The following CMIP variants were observed in gnomAD, a reference collection of about 807,000 sequenced individuals.
The protein encoded by CMIP is C-Maf-inducing protein.
A neutral mutation model predicts 97.3 loss-of-function variants in CMIP; 13 were observed. That is an observed-to-expected ratio of 0.13 (90% confidence interval 0.09 to 0.21). CMIP has a LOEUF of 0.21. CMIP is among the 10% of genes least tolerant of loss of function. CMIP has a pLI of 1.00. For missense variants in CMIP, 847 were observed against 1,024.9 expected (o/e 0.83, Z 2.37); for synonymous variants, 538 against 436.3 (o/e 1.23, Z -2.91).
chr16:81,671,424 T>G (rs2092682203), intron 8 of CMIP, among the ~76,000 whole-genome samples: 1 of 152,202 alleles, frequency 6.6e-6, no homozygotes, highest in African/African-American at 2.4e-5. Context: ...TATTGAGGAC[T>G]TAGTAACTAT....
intron 1 of CMIP, among the ~76,000 whole-genome samples, chr16:81,579,624 C>T (rs1210235931): frequency 2.3e-5 from 3 of 128,840 alleles, no homozygotes; most frequent in Non-Finnish European, 4.7e-5. Context: ...AGCCCTGCTC[C>T]CCCCTGAAGG....
chr16:81,613,033 C>T (rs1267006665), intron 2 of CMIP, among the ~76,000 whole-genome samples: 2 of 152,182 alleles, frequency 1.3e-5, no homozygotes, highest in Non-Finnish European at 2.9e-5. Flanking sequence ...CTTGGAAGCC[C>T]CTTAGAGATG....
intron 6 of CMIP, among the ~76,000 whole-genome samples, chr16:81,663,376 A>T (rs951868996): frequency 1.3e-5 from 2 of 152,214 alleles, no homozygotes; most frequent in Non-Finnish European, 2.9e-5. Context: ...AGAGGAGCCC[A>T]TCTGAAAAGG....
At chr16:81,662,119 C>A (rs1014767484) in intron 6 of CMIP, among the ~76,000 whole-genome samples, 7 of 151,946 alleles carry the variant, frequency 4.6e-5, no homozygotes, top group African/African-American at 1.7e-4. Context: ...AATTAAATAA[C>A]CCAGTATCCT....
chr16:81,555,046 C>T (rs1226607545), intron 1 of CMIP, among the ~76,000 whole-genome samples: 1 of 152,146 alleles, frequency 6.6e-6, no homozygotes, highest in Non-Finnish European at 1.5e-5. Flanking sequence ...CACCTTGGTG[C>T]CTCCTCTGTG....
intron 1 of CMIP, among the ~76,000 whole-genome samples, chr16:81,494,631 G>A (rs776526215): frequency 3.3e-5 from 5 of 152,086 alleles, no homozygotes; most frequent in Admixed American, 6.5e-5. Flanking sequence ...CCCCGGGGCC[G>A]CCCCCCGATG....
Position 81,598,968 on chromosome 16 carries a change from C to CAAA in CMIP, c.301-8579_301-8577dup, listed in dbSNP as rs141717317. Among the ~76,000 whole-genome samples, 93 of 49,636 alleles carry CAAA rather than the reference C, an allele frequency of 1.9e-3. 6 individuals carry two copies. Among genetic ancestry groups the CAAA allele is most frequent in the African/African-American group, 4.2e-3 (53 of 12,480 alleles). 32.6% of individuals were successfully genotyped at this position (49,636 alleles called of 152,430 possible). On this transcript the variant is annotated intron_variant, in intron 1 of 20. Transcript: ENST00000537098. The stretch of plus-strand genomic sequence containing the variant: ...TGAGTGACAGAGCAAGACTCTGTCT[C>CAAA]AAAAAAAAAAAAAAAAAAAAAAGAG...
chr16:81,558,462 A>G (rs527966839), intron 1 of CMIP, among the ~76,000 whole-genome samples: 1 of 152,318 alleles, frequency 6.6e-6, no homozygotes, highest in South Asian at 2.1e-4. Flanking sequence ...ATTATTTTCC[A>G]TAGTGGCTGC....
chr16:81,648,204 C>G (rs997202758), intron 3 of CMIP, among the ~76,000 whole-genome samples: 1 of 151,840 alleles, frequency 6.6e-6, no homozygotes, highest in Non-Finnish European at 1.5e-5. Flanking sequence ...GTGGCCCTCA[C>G]TGATGTGATG....
intron 1 of CMIP, among the ~76,000 whole-genome samples, chr16:81,583,702 T>G (rs2150908309): frequency 6.6e-6 from 1 of 152,242 alleles, no homozygotes; most frequent in Non-Finnish European, 1.5e-5. Context: ...TGTCTGTCGT[T>G]GCAGAGGCAC....
At chr16:81,708,470 G>A (rs150136709) in intron 20 of CMIP, among the ~76,000 whole-genome samples, 1 of 152,350 alleles carries the variant, frequency 6.6e-6, no homozygotes, top group African/African-American at 2.4e-5. Context: ...GAGAACATGG[G>A]GAGTGCAGGA....
At chr16:81,601,554 C>A (rs563436188) in intron 1 of CMIP, among the ~76,000 whole-genome samples, 2 of 152,134 alleles carry the variant, frequency 1.3e-5, no homozygotes, top group South Asian at 4.1e-4. Flanking sequence ...CCTATTTTTT[C>A]CAGCCCAGAT....
At chr16:81,686,357 C>G (rs1449012502) in intron 10 of CMIP, among the ~76,000 whole-genome samples, 1 of 152,186 alleles carries the variant, frequency 6.6e-6, no homozygotes. Flanking sequence ...CACGACAGGC[C>G]TCAGGCTCCT....
chr16:81,582,466 T>C (rs1597114202), intron 1 of CMIP, among the ~76,000 whole-genome samples: 1 of 151,956 alleles, frequency 6.6e-6, no homozygotes, highest in East Asian at 1.9e-4. Context: ...TAGCAAGTGG[T>C]TTTTCATTGC....
At chr16:81,552,911 A>C (rs540320255) in intron 1 of CMIP, among the ~76,000 whole-genome samples, 1 of 152,176 alleles carries the variant, frequency 6.6e-6, no homozygotes, top group African/African-American at 2.4e-5. Context: ...TGGAGCTGCC[A>C]GTCCTTTCCA....
intron 1 of CMIP, among the ~76,000 whole-genome samples, chr16:81,589,724 C>T (rs566138273): frequency 2.0e-5 from 3 of 152,292 alleles, no homozygotes; most frequent in African/African-American, 7.2e-5. Flanking sequence ...TTTGTTGAAC[C>T]AGATAAAATG....
At chr16:81,703,748 C>T in intron 17 of CMIP, 191 bp from the exon 18 acceptor site, 1 of 680,682 alleles carries the variant, frequency 1.5e-6, no homozygotes, top group Non-Finnish European at 2.4e-6. Flanking sequence ...GCGTGGCAGC[C>T]CCTCCCTCTC....
intron 1 of CMIP, among the ~76,000 whole-genome samples, chr16:81,584,594 T>TAC (rs1395265275): frequency 6.6e-6 from 1 of 152,152 alleles, no homozygotes; most frequent in African/African-American, 2.4e-5. Context: ...AGTGTGCCCG[T>TAC]GTAGATCAGC....
At chr16:81,587,061 GT>G (rs2091394356) in intron 1 of CMIP, among the ~76,000 whole-genome samples, 1 of 152,242 alleles carries the variant, frequency 6.6e-6, no homozygotes, top group African/African-American at 2.4e-5. Context: ...GTTGGTTTTT[GT>G]TTTTGATGCA....
Sources: allele counts gnomAD v4.1 joint callset (sites outside exome capture counted in the v4.1 genomes callset), GRCh38; gene constraint gnomAD v4.1.1; transcripts MANE v1.5; gene names NCBI Gene and HGNC (gene_info 2026-07-23, HGNC 2026-07-21).